FOXP2: variants seen among roughly 807,000 people sequenced by gnomAD.
FOXP2 encodes the protein forkhead box protein P2.
FOXP2 carries 12 observed loss-of-function variants against 115.8 expected under a neutral mutation model. That is an observed-to-expected ratio of 0.10 (90% CI 0.07 to 0.17). The LOEUF is 0.17. Ranked by LOEUF, FOXP2 falls within the 10% of genes least tolerant of loss-of-function variation. The probability of loss-of-function intolerance (pLI) is 1.00; values close to 1 mark genes in which losing one functional copy is unlikely to be tolerated. For synonymous variants in FOXP2, 328 were observed against 297.7 expected (o/e 1.10, Z -1.05); for missense variants, 629 against 843.5 (o/e 0.75, Z 3.15).
chr7:114,314,254 G>T (rs1472621555), intron 2 of FOXP2, among the ~76,000 whole-genome samples: 1 of 147,902 alleles, frequency 6.8e-6, no homozygotes, highest in Non-Finnish European at 1.5e-5. Context: ...TTATTTTATT[G>T]TTATGTTTTA....
intron 16 of FOXP2, among the ~76,000 whole-genome samples, chr7:114,675,639 A>G (rs74568217): frequency 5.3e-5 from 8 of 152,168 alleles, no homozygotes; most frequent in Non-Finnish European, 1.0e-4. Context: ...ATCATCATTA[A>G]TTCAATAATC....
chr7:114,366,994 A>G (rs890338798), intron 2 of FOXP2, among the ~76,000 whole-genome samples: 6 of 152,160 alleles, frequency 3.9e-5, no homozygotes, highest in East Asian at 1.9e-4. Context: ...CCACTTAACT[A>G]TTTAGATTTT....
chr7:114,400,731 T>A (rs1792867689), intron 2 of FOXP2, among the ~76,000 whole-genome samples: 1 of 152,150 alleles, frequency 6.6e-6, no homozygotes, highest in Non-Finnish European at 1.5e-5. Flanking sequence ...AGGGTTCACG[T>A]TCCTATGAGG....
chr7:114,252,666 A>G lies in FOXP2; in HGVS notation c.-101-35353A>G, dbSNP rs188894457. 1.8e-4 allele frequency among the ~76,000 whole-genome samples: 27 copies of G among 152,106 alleles called. No homozygotes were observed. In the East Asian group the frequency reaches 4.3e-3, roughly 24 times the overall value. ...CCCTTTATCATTTTTTATTACGTCT[A>G]TTTGATTCTTCTCTCTTTTCTTCTT... On this transcript the variant is annotated intron_variant, in intron 1 of 17. Coordinates refer to the FOXP2 transcript ENST00000634411.
chr7:114,640,909 A>C, intron 6 of FOXP2, among the ~76,000 whole-genome samples: 1 of 152,166 alleles, frequency 6.6e-6, no homozygotes, highest in Non-Finnish European at 1.5e-5. Context: ...CCTTCTTGTA[A>C]AATATAATGA....
chr7:114,109,001 A>G (rs187241129), intron 1 of FOXP2, among the ~76,000 whole-genome samples: 70 of 152,074 alleles, frequency 4.6e-4, no homozygotes, highest in African/African-American at 1.6e-3. Flanking sequence ...AAGTAAGAGA[A>G]TACTAAAACT....
chr7:114,664,522 T>C (rs1251552570), intron 16 of FOXP2, 86 bp downstream of exon 16: 1 of 1,463,484 alleles, frequency 6.8e-7, no homozygotes, highest in Non-Finnish European at 9.4e-7. Flanking sequence ...GTTTTTACTG[T>C]TGTATAAGTT....
At chr7:114,604,684 G>A (rs1451430355) in intron 3 of FOXP2, among the ~76,000 whole-genome samples, 2 of 152,098 alleles carry the variant, frequency 1.3e-5, no homozygotes, top group Non-Finnish European at 2.9e-5. Flanking sequence ...GCCTCATCTG[G>A]TAATTATTTA....
At chr7:114,190,846 G>A (rs1034111001) in intron 1 of FOXP2, among the ~76,000 whole-genome samples, 1 of 152,088 alleles carries the variant, frequency 6.6e-6, no homozygotes, top group African/African-American at 2.4e-5. Context: ...AAGAAAAATT[G>A]CTATCAAATT....
intron 1 of FOXP2, among the ~76,000 whole-genome samples, chr7:114,269,996 C>T (rs966663217): frequency 1.3e-5 from 2 of 152,056 alleles, no homozygotes; most frequent in Admixed American, 6.6e-5. Flanking sequence ...CAGAAATTCT[C>T]GGCCTCAGGA....
chr7:114,451,832 T>C (rs944657794), intron 2 of FOXP2, among the ~76,000 whole-genome samples: 1 of 151,992 alleles, frequency 6.6e-6, no homozygotes, highest in Admixed American at 6.6e-5. Context: ...TAAGCTAAGA[T>C]AGAAGGATGA....
chr7:114,526,297 C>T (rs1325197394), intron 2 of FOXP2, among the ~76,000 whole-genome samples: 5 of 148,870 alleles, frequency 3.4e-5, no homozygotes, highest in East Asian at 2.0e-4. Context: ...GCCAACGTGG[C>T]GAAACTATGT....
At chr7:114,546,450 G>A (rs1799929935) in intron 3 of FOXP2, among the ~76,000 whole-genome samples, 1 of 152,108 alleles carries the variant, frequency 6.6e-6, no homozygotes, top group African/African-American at 2.4e-5. Flanking sequence ...CTATTTATTT[G>A]TTCATTTATT....
intron 1 of FOXP2, among the ~76,000 whole-genome samples, chr7:114,164,189 G>A (rs147198171): frequency 9.3e-4 from 142 of 152,196 alleles, no homozygotes; most frequent in African/African-American, 3.3e-3. Context: ...GGTCATTCCT[G>A]AAAATCTATA....
At chr7:114,103,827 C>T (rs1048609056) in intron 1 of FOXP2, among the ~76,000 whole-genome samples, 1 of 151,952 alleles carries the variant, frequency 6.6e-6, no homozygotes, top group Non-Finnish European at 1.5e-5. Flanking sequence ...TTTTCAACAT[C>T]TTAAATAAGG....
intron 1 of FOXP2, among the ~76,000 whole-genome samples, chr7:114,101,728 T>A (rs1277974642): frequency 1.3e-5 from 2 of 152,120 alleles, no homozygotes; most frequent in Non-Finnish European, 2.9e-5. Context: ...ATTTTGTAAC[T>A]CTTCCAAGGT....
rs145254341 is a variant in FOXP2, at chr7:114,664,430, C to G, written c.1997C>G (p.Pro666Arg). The G allele has an allele frequency of 6.2e-7, 1 of 1,613,322 alleles. No individual in the cohort carries two copies. Among genetic ancestry groups the G allele is most frequent in the South Asian group, 1.1e-5 (1 of 91,066 alleles). ...AGTAGTCCGGGCTGCTCACCTCAGC[C>G]GCACATGTAAGTGTGGTTAACAGAC... ...GNSSPGCSPQ[P>R]HIHSIHVKEE... The change falls in exon 16 of 17, where the codon CCG (proline) becomes CGG (arginine). Residue 666 changes from proline (P) to arginine (R), a missense_variant. Physicochemically the swap from Pro to Arg is moderately radical, Grantham distance 103. Around this residue, in one of 9 missense-constraint regions of FOXP2, gnomAD observed 117 missense variants for 112.3 expected, o/e 1.04. Coordinates refer to ENST00000350908, the MANE Select transcript of FOXP2 (RefSeq NM_014491.4).
At chr7:114,481,769 TATC>T (rs1271731256) in intron 2 of FOXP2, among the ~76,000 whole-genome samples, 1 of 143,696 alleles carries the variant, frequency 7.0e-6, no homozygotes, top group East Asian at 2.1e-4. Flanking sequence ...AAACTCTATC[TATC>T]TATCTATCTA....
chr7:114,092,237 TTTAAG>T (rs1479823577), intron 1 of FOXP2, among the ~76,000 whole-genome samples: 4 of 152,124 alleles, frequency 2.6e-5, no homozygotes, highest in East Asian at 1.9e-4. Context: ...TTAAAATTTA[TTTAAG>T]TTTTTAGTGT....
Sources: allele counts gnomAD v4.1 joint callset (sites outside exome capture counted in the v4.1 genomes callset), GRCh38; gene constraint gnomAD v4.1.1; regional missense constraint gnomAD v4.1.1; transcripts MANE v1.5; gene names NCBI Gene and HGNC (gene_info 2026-07-23, HGNC 2026-07-21).